FARP1: variants seen among roughly 807,000 people sequenced by gnomAD.
The protein encoded by FARP1 is FERM, ARH/RhoGEF and pleckstrin domain protein 1.
A neutral mutation model predicts 128.8 loss-of-function variants in FARP1; 52 were observed. That is an observed-to-expected ratio of 0.40 (90% CI 0.32 to 0.51). FARP1 has a LOEUF of 0.51. Among genes scored for constraint, FARP1 ranks in the 20% least tolerant of loss-of-function variants. The pLI is 0.45. For missense variants in FARP1, 1,333 were observed against 1,367.9 expected (o/e 0.97, Z 0.40); for synonymous variants, 580 against 551.8 (o/e 1.05, Z -0.72).
At chr13:98,442,698 G>C (rs564342971) in intron 24 of FARP1, among the ~76,000 whole-genome samples, 2 of 152,358 alleles carry the variant, frequency 1.3e-5, no homozygotes, top group African/African-American at 4.8e-5. Flanking sequence ...CAGGAAAGGA[G>C]ACCCCCGAAG....
intron 1 of FARP1, among the ~76,000 whole-genome samples, chr13:98,150,368 T>G (rs1416674902): frequency 6.6e-6 from 1 of 152,196 alleles, no homozygotes; most frequent in Non-Finnish European, 1.5e-5. Context: ...TCAGATTGTT[T>G]TATATAGCTT....
intron 1 of FARP1, among the ~76,000 whole-genome samples, chr13:98,158,967 T>G (rs1876679214): frequency 6.6e-6 from 1 of 152,134 alleles, no homozygotes; most frequent in South Asian, 2.1e-4. Flanking sequence ...GGCATAATTT[T>G]GGGCCAGGAA....
At chr13:98,371,558 C>CT (rs35886894) in intron 5 of FARP1, among the ~76,000 whole-genome samples, 30,918 of 149,922 alleles carry the variant, frequency 0.21, 3,708 homozygotes, top group Non-Finnish European at 0.29. Context: ...GAAATTCCTA[C>CT]TTTTTTTTTT....
intron 3 of FARP1, among the ~76,000 whole-genome samples, chr13:98,344,109 C>T (rs902765532): frequency 6.6e-6 from 1 of 152,052 alleles, no homozygotes; most frequent in African/African-American, 2.4e-5. Context: ...AGTTCTATAC[C>T]CAAACTAATA....
At chr13:98,324,052 A>G (rs1477751631) in intron 2 of FARP1, among the ~76,000 whole-genome samples, 1 of 152,262 alleles carries the variant, frequency 6.6e-6, no homozygotes, top group African/African-American at 2.4e-5. Flanking sequence ...TGATTAATAT[A>G]TTAAATGCAC....
chr13:98,218,343 C>T (rs74388707), intron 2 of FARP1, among the ~76,000 whole-genome samples: 2,272 of 152,266 alleles, frequency 0.015, 54 homozygotes, highest in African/African-American at 0.051. Context: ...TCTTGCCCCT[C>T]GCACTCATTA....
intron 2 of FARP1, among the ~76,000 whole-genome samples, chr13:98,258,453 G>A (rs1243453211): frequency 6.6e-6 from 1 of 152,156 alleles, no homozygotes; most frequent in Non-Finnish European, 1.5e-5. Flanking sequence ...ACCAGACCAC[G>A]TGAGCATCGT....
chr13:98,295,342 ACGAGACTCG>A (rs1885639465), intron 2 of FARP1, among the ~76,000 whole-genome samples: 1 of 152,126 alleles, frequency 6.6e-6, no homozygotes, highest in Non-Finnish European at 1.5e-5. Context: ...AGGCAATGCC[ACGAGACTCG>A]CGTGTCCTCA....
chr13:98,160,814 T>G (rs1449974237), intron 1 of FARP1, among the ~76,000 whole-genome samples: 1 of 151,790 alleles, frequency 6.6e-6, no homozygotes, highest in Admixed American at 6.6e-5. Context: ...AGGCTCACAC[T>G]ACCATGCCTG....
chr13:98,437,019 G>A (rs1892297140), intron 19 of FARP1, among the ~76,000 whole-genome samples: 1 of 152,144 alleles, frequency 6.6e-6, no homozygotes, highest in African/African-American at 2.4e-5. Flanking sequence ...GGTGGCGGGG[G>A]ACCATGCACA....
rs540848707 is a variant in FARP1 at position 98,449,077 on chromosome 13, T to G, written c.*760T>G. 1 of 152,206 alleles carries G rather than the reference T, an allele frequency of 6.6e-6. No individual in the cohort carries two copies. Among genetic ancestry groups the G allele is most frequent in the Non-Finnish European group, 1.5e-5 (1 of 68,056 alleles). 9.4% of individuals were successfully genotyped at this position (152,206 alleles called of 1,614,324 possible). ...ACCGTCCTGTGAGTGGTGTACACAA[T>G]GGGAAGATAATAAGCCGTGGTGTTT... is the stretch of plus-strand genomic sequence containing the variant. On this transcript the variant is annotated 3_prime_UTR_variant, in exon 27 of 27. Coordinates refer to ENST00000319562, the MANE Select transcript of FARP1 (RefSeq NM_005766.4).
intron 2 of FARP1, among the ~76,000 whole-genome samples, chr13:98,323,325 A>G (rs571140325): frequency 1.3e-5 from 2 of 151,672 alleles, no homozygotes; most frequent in African/African-American, 4.8e-5. Flanking sequence ...GGAATCAGAA[A>G]GGCAACTCGA....
At chr13:98,411,256 C>A (rs1237012698) in intron 15 of FARP1, among the ~76,000 whole-genome samples, 1 of 152,176 alleles carries the variant, frequency 6.6e-6, no homozygotes, top group Non-Finnish European at 1.5e-5. Context: ...TTATTTTAAT[C>A]AGTCCTGCTC....
chr13:98,200,394 C>A (rs867902610), intron 1 of FARP1, among the ~76,000 whole-genome samples: 3,865 of 147,116 alleles, frequency 0.026, 202 homozygotes, highest in African/African-American at 0.09. Context: ...TTCACCCCCC[C>A]CCCCTCCCCT....
intron 26 of FARP1, chr13:98,447,803 C>G (rs1892943002): frequency 1.2e-5 from 2 of 170,990 alleles, no homozygotes; most frequent in Admixed American, 1.2e-4. Context: ...GATAACTGCA[C>G]CACTGAACTC....
chr13:98,386,436 T>C (rs754595930), intron 8 of FARP1, among the ~76,000 whole-genome samples: 2 of 152,224 alleles, frequency 1.3e-5, no homozygotes, highest in Non-Finnish European at 2.9e-5. Flanking sequence ...ATTCTGCTAT[T>C]GGACTGTTTC....
rs142817101 is a variant in FARP1 at position 98,197,216 on chromosome 13, C to T, written c.-23-16004C>T. 1.6e-4 allele frequency among the ~76,000 whole-genome samples: 25 copies of T among 152,270 alleles called. No individual in the cohort carries two copies. The East Asian group carries it at 4.3e-3, about 26-fold the overall frequency. On this transcript the variant is annotated intron_variant, in intron 1 of 26. Coordinates refer to ENST00000319562, the MANE Select transcript of FARP1 (RefSeq NM_005766.4). ...GCGTGGTGGCTCACGCCTGTGATCC[C>T]AGCACTTTGGGAGGCCGAGGTGGGT... is the stretch of plus-strand genomic sequence containing the variant.
chr13:98,293,692 G>T (rs1487970178), intron 2 of FARP1, among the ~76,000 whole-genome samples: 3 of 152,194 alleles, frequency 2.0e-5, no homozygotes, highest in African/African-American at 7.2e-5. Flanking sequence ...AGGGGCTATT[G>T]TACTGACAAA....
At chr13:98,285,358 T>C (rs1326489166) in intron 2 of FARP1, among the ~76,000 whole-genome samples, 1 of 152,212 alleles carries the variant, frequency 6.6e-6, no homozygotes, top group African/African-American at 2.4e-5. Context: ...TGCTAGCTCC[T>C]TTCCTTTTTC....
Sources: gnomAD v4.1 joint callset for allele counts (sites outside exome capture counted in the v4.1 genomes callset) on GRCh38, gnomAD v4.1.1 for gene constraint, MANE v1.5 for transcripts, NCBI Gene and HGNC (gene_info 2026-07-23, HGNC 2026-07-21) for gene names.